The following ANK3 variants were observed in gnomAD, a reference collection of about 807,000 sequenced individuals.
ANK3 encodes the protein ankyrin-3.
Under a neutral mutation model 370.9 loss-of-function variants are expected in ANK3, and 57 were observed. The observed-to-expected ratio is 0.15, with a 90% CI of 0.12 to 0.19. ANK3 has a LOEUF of 0.19. ANK3 is among the 10% of genes least tolerant of loss of function. ANK3 has a pLI of 1.00. For missense variants in ANK3, 4,439 were observed against 5,302.1 expected (o/e 0.84, Z 5.06); for synonymous variants, 1,929 against 1,946.3 (o/e 0.99, Z 0.23).
At chr10:60,637,320 G>T (rs2078568171) in intron 1 of ANK3, among the ~76,000 whole-genome samples, 1 of 152,130 alleles carries the variant, frequency 6.6e-6, no homozygotes, top group Admixed American at 6.6e-5. Flanking sequence ...GGTTGTGCTT[G>T]ATTCTTCCTG....
At chr10:60,112,888 C>T (rs1199306864) in intron 26 of ANK3, among the ~76,000 whole-genome samples, 1 of 152,064 alleles carries the variant, frequency 6.6e-6, no homozygotes, top group Non-Finnish European at 1.5e-5. Context: ...AATAATCTGC[C>T]CTTGTCCTTG....
chr10:60,337,762 C>T (rs1398150106), intron 1 of ANK3, among the ~76,000 whole-genome samples: 2 of 152,166 alleles, frequency 1.3e-5, no homozygotes, highest in Non-Finnish European at 2.9e-5. Context: ...AAGATATTCC[C>T]TGACTTCACA....
Position 60,204,916 on chromosome 10 carries a change from G to A in ANK3, c.1293+876C>T, listed in dbSNP as rs1178850795. Among the ~76,000 whole-genome samples the A allele has an allele frequency of 3.9e-5, 6 of 152,250 alleles. No individual in the cohort carries two copies. In the East Asian group the frequency reaches 1.2e-3, roughly 29 times the overall value. On this transcript the variant is annotated intron_variant, in intron 11 of 43. Coordinates refer to ENST00000280772, the MANE Select transcript of ANK3 (RefSeq NM_020987.5). ...GCCCAGATCTGGTTCTAAAGGACGT[G>A]CAGGATTTGCCTGGCCAAGGGGGTG...
At position 60,338,882 on chromosome 10, in the gene ANK3, GA is replaced by G. The variant is rs368508080; in HGVS notation, c.114+50542del. ...TCAGAGGCCAAACATATTTAATGTA[GA>G]AAAATTTTAGTTACCTGAAAGTTTT... On this transcript the variant is annotated intron_variant, in intron 1 of 43. Coordinates refer to ENST00000280772, the MANE Select transcript of ANK3 (RefSeq NM_020987.5). Among the ~76,000 whole-genome samples, 299 of 151,718 alleles carry G rather than the reference GA, an allele frequency of 2.0e-3. 2 individuals are homozygous for G. The highest frequency in any genetic ancestry group is 0.017 in the Middle Eastern group (5 of 290).
chr10:60,319,542 A>AG (rs2048181235), intron 1 of ANK3, among the ~76,000 whole-genome samples: 2 of 152,182 alleles, frequency 1.3e-5, no homozygotes, highest in Admixed American at 1.3e-4. Flanking sequence ...TTTACTATTT[A>AG]AGCACATATT....
At chr10:60,731,629 G>A (rs1020838510) in intron 1 of ANK3, among the ~76,000 whole-genome samples, 10 of 152,314 alleles carry the variant, frequency 6.6e-5, no homozygotes, top group Admixed American at 6.5e-4. Flanking sequence ...TTTCAGAACT[G>A]TGGTTTTAAC....
chr10:60,524,833 G>C (rs549566497), intron 2 of ANK3, among the ~76,000 whole-genome samples: 1 of 152,010 alleles, frequency 6.6e-6, no homozygotes, highest in African/African-American at 2.4e-5. Context: ...AGGATGAAAG[G>C]GAGCATCATG....
At chr10:60,048,635 A>G (rs2077334959) in intron 42 of ANK3, among the ~76,000 whole-genome samples, 1 of 152,214 alleles carries the variant, frequency 6.6e-6, no homozygotes, top group African/African-American at 2.4e-5. Flanking sequence ...TGTAAATGCT[A>G]TGTAAGTAAT....
At chr10:60,733,426 G>C (rs908354221) in exon 1 of ANK3, 2 of 1,042,564 alleles carry the variant, frequency 1.9e-6, no homozygotes, top group Non-Finnish European at 2.5e-6. Flanking sequence ...GTTCGGCCGC[G>C]GCTCAGGAAC....
intron 1 of ANK3, among the ~76,000 whole-genome samples, chr10:60,691,214 T>G (rs1464936623): frequency 1.3e-5 from 2 of 152,186 alleles, no homozygotes; most frequent in Admixed American, 1.3e-4. Flanking sequence ...GCTCAGTAGC[T>G]GGGTGACAGG....
intron 1 of ANK3, 127 bp from the exon 2 acceptor site, chr10:60,279,766 A>C: frequency 1.3e-6 from 1 of 748,544 alleles, no homozygotes; most frequent in East Asian, 2.8e-5. Flanking sequence ...ATATGAATAA[A>C]AGTTCTTTGT....
intron 25 of ANK3, among the ~76,000 whole-genome samples, chr10:60,121,107 T>C (rs1053852814): frequency 2.0e-5 from 3 of 151,850 alleles, no homozygotes; most frequent in African/African-American, 7.3e-5. Flanking sequence ...CACAATGGAG[T>C]ATGTACACGC....
At chr10:60,359,635 T>C (rs988890215) in intron 1 of ANK3, among the ~76,000 whole-genome samples, 1 of 152,164 alleles carries the variant, frequency 6.6e-6, no homozygotes, top group Non-Finnish European at 1.5e-5. Context: ...TAAAAATCCC[T>C]TTAAAAACAA....
intron 42 of ANK3, among the ~76,000 whole-genome samples, chr10:60,048,501 A>AGAT (rs796844213): frequency 2.2e-4 from 33 of 152,326 alleles, no homozygotes; most frequent in African/African-American, 7.9e-4. Context: ...GGACCCCTGC[A>AGAT]GATAGCAAAA....
intron 2 of ANK3, among the ~76,000 whole-genome samples, chr10:60,456,248 C>T (rs2064744016): frequency 6.6e-6 from 1 of 152,164 alleles, no homozygotes; most frequent in Admixed American, 6.5e-5. Context: ...AGTCAAGCTG[C>T]CAGCGCCCCC....
chr10:60,205,811 G>C lies in ANK3; in HGVS notation c.1274C>G (p.Ser425Cys). The C allele has an allele frequency of 6.2e-7, 1 of 1,613,388 alleles. No individual in the cohort carries two copies. The highest frequency in any genetic ancestry group is 1.1e-5 in the South Asian group (1 of 91,060). Residue 425 changes from serine (S) to cysteine (C), a missense_variant, in exon 11 of 44, where the codon TCC becomes TGC. By Grantham distance (112) the Ser-to-Cys change is moderately radical. Coordinates refer to ENST00000280772, the MANE Select transcript of ANK3 (RefSeq NM_020987.5). ...VMELLLKHGASIQAVTESGLT... is the reference protein window; with the variant it reads ...VMELLLKHGACIQAVTESGLT... ...TCTCACCTCGGTTACAGCTTGGATG[G>C]ATGCACCGTGTTTCAGAAGGAGTTC...
chr10:60,354,377 C>T (rs2057403425), intron 1 of ANK3, among the ~76,000 whole-genome samples: 1 of 152,218 alleles, frequency 6.6e-6, no homozygotes, highest in African/African-American at 2.4e-5. Context: ...GGAATTATAG[C>T]TGTCTTTAAA....
At chr10:60,108,595 G>C (rs540214537) in intron 27 of ANK3, among the ~76,000 whole-genome samples, 1 of 152,284 alleles carries the variant, frequency 6.6e-6, no homozygotes, top group Non-Finnish European at 1.5e-5. Context: ...TTGCTGAGCA[G>C]AGAACATGCT....
intron 2 of ANK3, among the ~76,000 whole-genome samples, chr10:60,581,241 G>A (rs967644244): frequency 1.3e-5 from 2 of 152,134 alleles, no homozygotes; most frequent in South Asian, 2.1e-4. Flanking sequence ...TTGATGTGGT[G>A]TGAGAGACAG....
Sources: gnomAD v4.1 joint callset for allele counts (sites outside exome capture counted in the v4.1 genomes callset) on GRCh38, gnomAD v4.1.1 for gene constraint, MANE v1.5 for transcripts, NCBI Gene and HGNC (gene_info 2026-07-23, HGNC 2026-07-21) for gene names.